KCNJ6: variants seen among roughly 807,000 people sequenced by gnomAD.
KCNJ6 encodes the protein G protein-activated inward rectifier potassium channel 2.
KCNJ6 carries 9 observed loss-of-function variants against 34.2 expected under a neutral mutation model. The observed-to-expected ratio is 0.26, with a 90% CI of 0.16 to 0.46. KCNJ6 has a LOEUF of 0.46. Ranked by LOEUF, KCNJ6 falls within the 20% of genes least tolerant of loss-of-function variation. The pLI, the probability that KCNJ6 is intolerant of heterozygous loss-of-function variation, is 1.00. For synonymous variants in KCNJ6, 196 were observed against 207.1 expected (o/e 0.95, Z 0.46); for missense variants, 236 against 531.3 (o/e 0.44, Z 5.46).
intron 2 of KCNJ6, among the ~76,000 whole-genome samples, chr21:37,760,058 G>A (rs375267039): frequency 5.9e-5 from 9 of 152,154 alleles, no homozygotes; most frequent in East Asian, 1.9e-4. Context: ...CCACGGCTAC[G>A]AGCTGCTTTA....
chr21:37,911,233 C>A (rs1425476291), intron 1 of KCNJ6, among the ~76,000 whole-genome samples: 2 of 152,054 alleles, frequency 1.3e-5, no homozygotes, highest in African/African-American at 2.4e-5. Context: ...ATTTAAAATG[C>A]ACTTCAAAAT....
rs1352989369 is a variant in KCNJ6, at chr21:37,617,662, G to GC, written c.*7496dup. 6.6e-6 allele frequency: 1 copy of GC among 152,186 alleles called. No individual in the cohort carries two copies. The highest frequency in any genetic ancestry group is 1.5e-5 in the Non-Finnish European group (1 of 68,058). 9.4% of individuals were successfully genotyped at this position (152,186 alleles called of 1,614,324 possible). A position where few individuals can be genotyped will look rare whatever the true frequency, so the allele number is the denominator to read the frequency against. ...CCATTGGCCCGATGACTGAGTCTGT[G>GC]CCCACGGCATCGTGATACCAAAACG... is the stretch of plus-strand genomic sequence containing the variant. On this transcript the variant is annotated 3_prime_UTR_variant, in exon 4 of 4. Transcript: ENST00000609713.
intron 1 of KCNJ6, among the ~76,000 whole-genome samples, chr21:37,909,064 C>G (rs996357031): frequency 4.6e-5 from 7 of 152,294 alleles, no homozygotes; most frequent in African/African-American, 1.7e-4. Flanking sequence ...ATCTACTCTC[C>G]CTCTTTCCTT....
At chr21:37,680,520 G>C (rs2054586131) in intron 3 of KCNJ6, among the ~76,000 whole-genome samples, 2 of 152,242 alleles carry the variant, frequency 1.3e-5, no homozygotes, top group South Asian at 4.1e-4. Context: ...ATACTTCCGT[G>C]AGAGTGGTTC....
At chr21:37,765,553 G>T (rs1024970153) in intron 2 of KCNJ6, among the ~76,000 whole-genome samples, 1 of 152,166 alleles carries the variant, frequency 6.6e-6, no homozygotes, top group African/African-American at 2.4e-5. Flanking sequence ...GAATTCTCTG[G>T]TCCAAAATGT....
At chr21:37,791,326 A>G (rs2055215871) in intron 2 of KCNJ6, among the ~76,000 whole-genome samples, 1 of 152,216 alleles carries the variant, frequency 6.6e-6, no homozygotes, top group African/African-American at 2.4e-5. Flanking sequence ...GGGTTTGTGA[A>G]CCAGATTCAC....
At chr21:37,728,786 GA>G (rs1472810386) in intron 2 of KCNJ6, among the ~76,000 whole-genome samples, 1 of 152,176 alleles carries the variant, frequency 6.6e-6, no homozygotes, top group African/African-American at 2.4e-5. Flanking sequence ...AGACACATGT[GA>G]GAGATAATTC....
chr21:37,701,386 G>T (rs1027279385), intron 3 of KCNJ6, among the ~76,000 whole-genome samples: 4 of 123,868 alleles, frequency 3.2e-5, no homozygotes, highest in African/African-American at 5.5e-5. Flanking sequence ...CCAAGACCAG[G>T]TTAACTTTTT....
intron 2 of KCNJ6, among the ~76,000 whole-genome samples, chr21:37,765,187 T>C (rs1209750100): frequency 1.3e-5 from 2 of 152,246 alleles, no homozygotes. Flanking sequence ...GTCTGTTGTG[T>C]CTGCATGGTG....
rs754356092 is a variant in KCNJ6, at chr21:37,870,588, A to ATTTTT, written c.-27-29880_-27-29879insAAAAA. Among the ~76,000 whole-genome samples the ATTTTT allele has an allele frequency of 1.9e-4, 28 of 150,798 alleles. 1 individual carries two copies. In the East Asian group the frequency reaches 3.2e-3, roughly 17 times the overall value. On this transcript the variant is annotated intron_variant, in intron 1 of 3. Transcript: ENST00000609713. ...TTAAAAATACTTAGAACAATTCAAA[A>ATTTTT]TTTTGTTTTTTTTGGTTTCCAAAAG...
intron 1 of KCNJ6, among the ~76,000 whole-genome samples, chr21:37,860,284 C>T (rs2055588056): frequency 6.6e-6 from 1 of 152,154 alleles, no homozygotes; most frequent in African/African-American, 2.4e-5. Flanking sequence ...TGAGTTTGAG[C>T]TCCTTCATGG....
Position 37,757,682 on chromosome 21 carries a change from T to C in KCNJ6, c.26-42551A>G, listed in dbSNP as rs560321354. On this transcript the variant is annotated intron_variant, in intron 2 of 3. Transcript: ENST00000609713. The stretch of plus-strand genomic sequence containing the variant: ...ACAGATTCCAGCCTGGAGAGAGTAC[T>C]CCCTCACAGCATGATGGTTCCAGCC... 1.1e-3 allele frequency among the ~76,000 whole-genome samples: 163 copies of C among 150,918 alleles called. 1 individual carries two copies. The highest frequency in any genetic ancestry group is 3.8e-3 in the African/African-American group (156 of 41,216).
At chr21:37,723,718 T>A (rs1171065832) in intron 2 of KCNJ6, among the ~76,000 whole-genome samples, 1 of 151,996 alleles carries the variant, frequency 6.6e-6, no homozygotes, top group South Asian at 2.1e-4. Flanking sequence ...ACACTGAGGA[T>A]TAATGGATGT....
intron 3 of KCNJ6, among the ~76,000 whole-genome samples, chr21:37,680,685 T>A (rs895918531): frequency 2.0e-5 from 3 of 152,328 alleles, no homozygotes; most frequent in African/African-American, 7.2e-5. Flanking sequence ...CTTCTCTTCC[T>A]TTTGGACTTG....
Position 37,609,750 on chromosome 21 carries a change from G to C in KCNJ6, c.*15409C>G, listed in dbSNP as rs1286303009. ...GTTTTTGTTTTGTTTTTCTGACTGG[G>C]GCCCTAGGTGCATGCTTTAGGGAGG... On this transcript the variant is annotated 3_prime_UTR_variant, in exon 4 of 4. Coordinates refer to ENST00000609713, the MANE Select transcript of KCNJ6 (RefSeq NM_002240.5). 1 of 151,886 alleles carries C rather than the reference G, an allele frequency of 6.6e-6. No individual in the cohort carries two copies. The highest frequency in any genetic ancestry group is 1.5e-5 in the Non-Finnish European group (1 of 68,006). The allele number at this position is 151,886 out of a possible 1,614,324, so 9.4% of individuals were successfully genotyped here. A position where few individuals can be genotyped will look rare whatever the true frequency, so the allele number is the denominator to read the frequency against.
At chr21:37,711,167 C>T (rs750292891) in intron 3 of KCNJ6, among the ~76,000 whole-genome samples, 8 of 152,198 alleles carry the variant, frequency 5.3e-5, no homozygotes, top group Non-Finnish European at 8.8e-5. Flanking sequence ...CCCTGCAATG[C>T]GGCTGGCATT....
chr21:37,896,702 C>G (rs1451011434), intron 1 of KCNJ6, among the ~76,000 whole-genome samples: 1 of 152,098 alleles, frequency 6.6e-6, no homozygotes, highest in Non-Finnish European at 1.5e-5. Flanking sequence ...CTCATGGAAG[C>G]CTTGTAGGAA....
chr21:37,870,374 A>G (rs1324397302), intron 1 of KCNJ6, among the ~76,000 whole-genome samples: 2 of 152,160 alleles, frequency 1.3e-5, no homozygotes, highest in East Asian at 1.9e-4. Context: ...CCTTTTAAGC[A>G]TCTGTTTTCT....
At chr21:37,872,636 G>C (rs1568880203) in intron 1 of KCNJ6, among the ~76,000 whole-genome samples, 1 of 152,164 alleles carries the variant, frequency 6.6e-6, no homozygotes, top group Non-Finnish European at 1.5e-5. Flanking sequence ...TCCTAAGTTG[G>C]CTTTGTGGTT....
Sources: gnomAD v4.1 joint callset for allele counts (sites outside exome capture counted in the v4.1 genomes callset) on GRCh38, gnomAD v4.1.1 for gene constraint, MANE v1.5 for transcripts, NCBI Gene and HGNC (gene_info 2026-07-23, HGNC 2026-07-21) for gene names.